The following TRPM2 variants were observed in gnomAD, a reference collection of about 807,000 sequenced individuals.
TRPM2 encodes the protein transient receptor potential cation channel subfamily M member 2, also known as estrogen-responsive element-associated gene 1 protein.
Under a neutral mutation model 174.0 loss-of-function variants are expected in TRPM2, and 161 were observed. The ratio of observed to expected loss-of-function variants is 0.93; its 90% CI spans 0.81 to 1.05. The LOEUF (loss-of-function observed/expected upper bound fraction) is 1.05. Among genes scored for constraint, TRPM2 ranks in the 50% least tolerant of loss-of-function variants. The pLI is 0.00. For missense variants in TRPM2, 2,057 were observed against 2,038.0 expected, an observed-to-expected ratio of 1.01 and a Z score of -0.18; for synonymous variants, 954 against 861.3, an observed-to-expected ratio of 1.11 and a Z score of -1.88.
At chr21:44,364,008 C>G in intron 2 of TRPM2, 106 bp from the exon 3 acceptor site, 1 of 1,270,796 alleles carries the variant, frequency 7.9e-7, no homozygotes, top group Non-Finnish European at 1.1e-6. Context: ...TTTGTTTTTG[C>G]TGGGTGGGGG....
At chr21:44,389,727 A>G (rs2049115286) in intron 9 of TRPM2, among the ~76,000 whole-genome samples, 1 of 151,780 alleles carries the variant, frequency 6.6e-6, no homozygotes, top group South Asian at 2.1e-4. Context: ...GTCCATTTTT[A>G]TTTGATTGTT....
At chr21:44,417,597 CTG>C (rs1169508001) in intron 20 of TRPM2, among the ~76,000 whole-genome samples, 28 of 113,266 alleles carry the variant, frequency 2.5e-4, no homozygotes, top group African/African-American at 9.6e-4. Flanking sequence ...GCTCTGCTCT[CTG>C]TGGCATCACA....
Position 44,393,864 on chromosome 21 carries a change from A to C in TRPM2, c.1795-1550A>C, listed in dbSNP as rs556769523. Among the ~76,000 whole-genome samples, 14 of 151,442 alleles carry C rather than the reference A, an allele frequency of 9.2e-5. No individual in the cohort carries two copies. The South Asian group carries it at 2.7e-3, about 29-fold the overall frequency. On this transcript the variant is annotated intron_variant, in intron 11 of 31. Coordinates refer to ENST00000397928, the MANE Select transcript of TRPM2 (RefSeq NM_003307.4). ...GACTCTTGAGAAAGACATGGGTATG[A>C]CTTGGTTTCTTTGTTTTTTGTTTTT...
chr21:44,407,660 T>C (rs539980384), intron 19 of TRPM2, among the ~76,000 whole-genome samples: 12 of 151,826 alleles, frequency 7.9e-5, no homozygotes, highest in Middle Eastern at 3.4e-3. Context: ...AGCTGCCTTT[T>C]CTGGGCGTTT....
At chr21:44,388,535 T>A (rs1569048067) in intron 9 of TRPM2, among the ~76,000 whole-genome samples, 1 of 151,554 alleles carries the variant, frequency 6.6e-6, no homozygotes. Context: ...AACTGTACGC[T>A]TAAAAATATT....
At chr21:44,415,795 C>T (rs1426273845) in intron 20 of TRPM2, 1 of 152,202 alleles carries the variant, frequency 6.6e-6, no homozygotes, top group Non-Finnish European at 1.5e-5. Context: ...GTCCATCCGG[C>T]CCCTGGTGGA....
At position 44,438,807 on chromosome 21, in the gene TRPM2, C is replaced by T. The variant is rs1357306939; in HGVS notation, c.4168-260C>T. 6.6e-6 allele frequency among the ~76,000 whole-genome samples: 1 copy of T among 152,112 alleles called. No individual in the cohort carries two copies. The highest frequency in any genetic ancestry group is 1.5e-5 in the Non-Finnish European group (1 of 67,984). On this transcript the variant is annotated intron_variant, in intron 29 of 31. Transcript: ENST00000397928. This position sits in a 1 kb window ranked among gnomAD's most constrained non-coding sequence, Gnocchi z 5.9. Reference sequence around the variant, plus strand: ...GGGAGTCTGAGCTCAGGGTGGGTACCCTGGGGGCTGTCCCTGCTCCTCAGA... The same window carrying T: ...GGGAGTCTGAGCTCAGGGTGGGTACTCTGGGGGCTGTCCCTGCTCCTCAGA...
chr21:44,355,965 C>T (rs935324537), intron 2 of TRPM2, among the ~76,000 whole-genome samples: 1 of 151,538 alleles, frequency 6.6e-6, no homozygotes, highest in African/African-American at 2.4e-5. Flanking sequence ...GTACATCCTT[C>T]AGCATACTTT....
intron 5 of TRPM2, among the ~76,000 whole-genome samples, chr21:44,375,174 T>G (rs901672958): frequency 6.6e-6 from 1 of 152,194 alleles, no homozygotes; most frequent in Non-Finnish European, 1.5e-5. Flanking sequence ...CCTCCCAAAG[T>G]GCTGGGATTC....
intron 8 of TRPM2, among the ~76,000 whole-genome samples, chr21:44,381,337 AAGG>A (rs1207722090): frequency 6.6e-6 from 1 of 151,966 alleles, no homozygotes. Context: ...AAGGTGCTTC[AAGG>A]AGGAGTAACT....
rs569770056 is a variant in TRPM2 at position 44,406,677 on chromosome 21, C to A, written c.2874C>A (p.His958Gln). 1.2e-6 allele frequency: 2 copies of A among 1,610,518 alleles called. No homozygotes were observed. The highest frequency in any genetic ancestry group is 1.3e-5 in the African/African-American group (1 of 74,934). Residue 958 changes from histidine to glutamine, a missense_variant, in exon 19 of 32, where the codon CAC (histidine) becomes CAA (glutamine). By Grantham distance (24) the His-to-Gln change is conservative. Coordinates refer to ENST00000397928, the MANE Select transcript of TRPM2 (RefSeq NM_003307.4). ...TGGCCAAGCAGGCCATCCTCATCCA[C>A]AACGAGCGCCGGGTGGACTGGCTGT... is the stretch of plus-strand genomic sequence containing the variant. Reference protein sequence around the residue: ...FGVAKQAILIHNERRVDWLFR... With the variant: ...FGVAKQAILIQNERRVDWLFR...
intron 27 of TRPM2, 23 bp downstream of exon 27, chr21:44,427,134 C>T: frequency 4.5e-6 from 7 of 1,550,590 alleles, no homozygotes; most frequent in Admixed American, 2.0e-5. Flanking sequence ...CCTGCGGGCC[C>T]CGCCCCGTCA....
chr21:44,421,557 G>T (rs1271185972), intron 22 of TRPM2, among the ~76,000 whole-genome samples: 1 of 152,042 alleles, frequency 6.6e-6, no homozygotes, highest in East Asian at 1.9e-4. Flanking sequence ...GATTGCTCGA[G>T]CCCAGGAGTT....
chr21:44,425,513 T>G (rs936961008), intron 24 of TRPM2, 157 bp from the exon 25 acceptor site: 22 of 908,708 alleles, frequency 2.4e-5, no homozygotes, highest in Non-Finnish European at 3.3e-5. Flanking sequence ...CCCTGCCCAC[T>G]TCAGAGCTGG....
At chr21:44,365,779 C>G (rs1385031471) in intron 3 of TRPM2, among the ~76,000 whole-genome samples, 1 of 152,202 alleles carries the variant, frequency 6.6e-6, no homozygotes, top group Non-Finnish European at 1.5e-5. Context: ...GACACAGACC[C>G]TGTACTGCAG....
In TRPM2 at chr21:44,439,957, C is replaced by T. The variant is rs112840284; in HGVS notation, c.4269+789C>T. Among the ~76,000 whole-genome samples, 12,507 of 151,824 alleles carry T rather than the reference C, an allele frequency of 0.082. 1,445 individuals are homozygous for T. Among genetic ancestry groups the T allele is most frequent in the African/African-American group, 0.26 (10,644 of 41,384 alleles). ...AGGCTGGTCATGAACTGGGCTCAAGCGATCTGCCCACCTCAGCCTCCCAAA... is the reference window on the plus strand; with the variant it reads ...AGGCTGGTCATGAACTGGGCTCAAGTGATCTGCCCACCTCAGCCTCCCAAA... On this transcript the variant is annotated intron_variant, in intron 30 of 31. Coordinates refer to ENST00000397928, the MANE Select transcript of TRPM2 (RefSeq NM_003307.4). This position sits in a 1 kb window ranked among gnomAD's most constrained non-coding sequence, Gnocchi z 5.1.
rs2146143260 is a variant in TRPM2, at chr21:44,364,205, A to C, written c.346A>C (p.Lys116Gln). 4 of 1,614,230 alleles carry C rather than the reference A, an allele frequency of 2.5e-6. No individual in the cohort carries two copies. Among genetic ancestry groups the C allele is most frequent in the Non-Finnish European group, 3.4e-6 (4 of 1,180,036 alleles). The change falls in exon 3 of 32, where the codon AAG becomes CAG. Residue 116 changes from lysine (K) to glutamine (Q), a missense_variant. Physicochemically the swap from Lys to Gln is moderately conservative, Grantham distance 53. Transcript: ENST00000397928. Reference protein sequence around the residue: ...HTFQGTQWDPKKHVQEMPTDA... With the variant: ...HTFQGTQWDPQKHVQEMPTDA... ...CTTCCAGGGCACACAGTGGGACCCA[A>C]AGAAACATGTCCAGGAGATGCCAAC...
intron 11 of TRPM2, among the ~76,000 whole-genome samples, chr21:44,392,128 C>G (rs530843901): frequency 2.0e-5 from 3 of 151,952 alleles, no homozygotes; most frequent in African/African-American, 7.2e-5. Flanking sequence ...CCACACCTGG[C>G]TAATTTTTTA....
intron 21 of TRPM2, 76 bp downstream of exon 21, chr21:44,418,184 C>T: frequency 6.5e-7 from 1 of 1,528,034 alleles, no homozygotes; most frequent in South Asian, 1.2e-5. Flanking sequence ...CATGGCAGCT[C>T]TGCCCAGAAC....
Sources: allele counts gnomAD v4.1 joint callset (sites outside exome capture counted in the v4.1 genomes callset), GRCh38; gene constraint gnomAD v4.1.1; non-coding constraint Gnocchi (gnomAD v3.1); transcripts MANE v1.5; gene names NCBI Gene and HGNC (gene_info 2026-07-23, HGNC 2026-07-21).